CNPY1: variants seen among roughly 807,000 people sequenced by gnomAD.
The protein encoded by CNPY1 is protein canopy homolog 1.
CNPY1 carries 14 observed loss-of-function variants against 14.4 expected under a neutral mutation model. The ratio of observed to expected loss-of-function variants is 0.97; its 90% confidence interval spans 0.64 to 1.52. CNPY1 has a LOEUF of 1.52. Ranked by LOEUF, CNPY1 falls within the 40% of genes most tolerant of loss-of-function variation. CNPY1 has a pLI of 0.00. For missense variants in CNPY1, 129 were observed against 131.5 expected (o/e 0.98, Z 0.09); for synonymous variants, 43 against 46.5 (o/e 0.92, Z 0.31).
intron 2 of CNPY1, among the ~76,000 whole-genome samples, chr7:155,517,841 G>T (rs902545211): frequency 6.6e-6 from 1 of 152,240 alleles, no homozygotes; most frequent in Non-Finnish European, 1.5e-5. Context: ...CAAGTAATTG[G>T]TTGGAAAATC....
At chr7:155,509,473 GGA>G (rs1178836392) in intron 2 of CNPY1, among the ~76,000 whole-genome samples, 30 of 152,024 alleles carry the variant, frequency 2.0e-4, no homozygotes, top group Admixed American at 6.5e-5. Flanking sequence ...GACAGAGAGA[GGA>G]GAGAGAGAGG....
intron 2 of CNPY1, among the ~76,000 whole-genome samples, chr7:155,527,154 C>T (rs910921629): frequency 3.1e-4 from 47 of 149,900 alleles, no homozygotes; most frequent in Non-Finnish European, 6.5e-4. Context: ...CGGGTTCAAG[C>T]GATGCTCCTG....
Position 155,503,987 on chromosome 7 carries a change from T to C in CNPY1, c.401-882A>G, listed in dbSNP as rs373850569. Among the ~76,000 whole-genome samples, 21 of 152,318 alleles carry C rather than the reference T, an allele frequency of 1.4e-4. No individual in the cohort carries two copies. The South Asian group carries it at 4.4e-3, about 32-fold the overall frequency. The stretch of plus-strand genomic sequence containing the variant: ...ATAGCACATTAAGATTTTAATCATT[T>C]TGACTCCAAGACATCAAAATGACAT... On this transcript the variant is annotated intron_variant, in intron 4 of 4. Coordinates refer to ENST00000636446, the MANE Select transcript of CNPY1 (RefSeq NM_001393663.1).
At chr7:155,544,619 G>A (rs563782841) in intron 2 of CNPY1, among the ~76,000 whole-genome samples, 11 of 152,318 alleles carry the variant, frequency 7.2e-5, no homozygotes, top group African/African-American at 1.7e-4. Flanking sequence ...ATCAGCTCCC[G>A]GCTGGTGTCA....
At chr7:155,533,555 G>A (rs1329321025) in intron 2 of CNPY1, among the ~76,000 whole-genome samples, 1 of 152,188 alleles carries the variant, frequency 6.6e-6, no homozygotes, top group African/African-American at 2.4e-5. Flanking sequence ...GGGAAGCCCC[G>A]CAGCACCAGC....
At chr7:155,509,547 C>G (rs764194491) in intron 2 of CNPY1, among the ~76,000 whole-genome samples, 103 of 151,598 alleles carry the variant, frequency 6.8e-4, no homozygotes, top group Non-Finnish European at 1.3e-3. Flanking sequence ...GGAGAGAGAG[C>G]GAGAGAGAGA....
In CNPY1 at chr7:155,546,306, C is replaced by G. The variant is rs1585341411; in HGVS notation, c.-15+123G>C. ...CACTCAAACCATCCTCCCATTTCCACCTCCGAGTAGCTTGGACTACAGGCA... is the reference window on the plus strand; with the variant it reads ...CACTCAAACCATCCTCCCATTTCCAGCTCCGAGTAGCTTGGACTACAGGCA... On this transcript the variant is annotated intron_variant, in intron 1 of 4. Transcript: ENST00000636446. 3.5e-5 allele frequency: 14 copies of G among 394,702 alleles called. No individual in the cohort carries two copies. In the East Asian group the frequency reaches 5.0e-4, roughly 14 times the overall value. The allele number at this position is 394,702 out of a possible 1,614,324, so 24.4% of individuals were successfully genotyped here.
chr7:155,509,039 C>T lies in CNPY1; in HGVS notation c.158G>A (p.Arg53Gln). The T allele has an allele frequency of 6.2e-7, 1 of 1,609,542 alleles. No homozygotes were observed. The highest frequency in any genetic ancestry group is 8.5e-7 in the Non-Finnish European group (1 of 1,178,840). ...LTDLLEKVCERMNDYKLEEDP... is the reference protein window; with the variant it reads ...LTDLLEKVCEQMNDYKLEEDP... ...TTCCTCAAGCTTGTAGTCGTTCATT[C>T]GCTCACAGACTTTCTCCAAAAGATC... is the stretch of plus-strand genomic sequence containing the variant. Residue 53 changes from arginine to glutamine, a missense_variant, in exon 3 of 5, where the codon CGA (arginine) becomes CAA (glutamine). Transcript: ENST00000636446.
chr7:155,510,651 A>C (rs1796509349), intron 2 of CNPY1, among the ~76,000 whole-genome samples: 1 of 152,254 alleles, frequency 6.6e-6, no homozygotes, highest in African/African-American at 2.4e-5. Context: ...TGAATGTTTT[A>C]ATCGCTAAAA....
In CNPY1 at chr7:155,508,929, A is replaced by C; in HGVS notation, c.268T>G (p.Phe90Val). Residue 90 changes from phenylalanine (F) to valine (V), a missense_variant, in exon 3 of 5, where the codon TTT becomes GTT. Physicochemically the swap from Phe to Val is conservative, Grantham distance 50 (BLOSUM62 -1). Coordinates refer to ENST00000636446, the MANE Select transcript of CNPY1 (RefSeq NM_001393663.1). ...AAAGGTCTGTAAGCATCAGAATAAA[A>C]ATACAATTTTTTAAATTCTTGGTAT... ...KIYQEFKKLY[F>V]YSDAYRPLKF... 6.2e-7 allele frequency: 1 copy of C among 1,613,768 alleles called. No individual in the cohort carries two copies. The highest frequency in any genetic ancestry group is 8.5e-7 in the Non-Finnish European group (1 of 1,179,888).
chr7:155,545,794 G>T (rs1006727422), intron 2 of CNPY1, 37 bp downstream of exon 2: 1 of 398,332 alleles, frequency 2.5e-6, no homozygotes, highest in East Asian at 3.6e-5. Context: ...GCCCATATCC[G>T]CAATTATACA....
chr7:155,508,764 G>A (rs1585300890), intron 3 of CNPY1, 130 bp downstream of exon 3: 2 of 1,004,782 alleles, frequency 2.0e-6, no homozygotes, highest in African/African-American at 3.3e-5. Context: ...GTCAGCAGAT[G>A]ACATTTTAAT....
chr7:155,515,065 C>T (rs1179694359), intron 2 of CNPY1, among the ~76,000 whole-genome samples: 2 of 152,166 alleles, frequency 1.3e-5, no homozygotes, highest in Non-Finnish European at 2.9e-5. Context: ...CATATAGGCA[C>T]ACAGATGCAT....
intron 2 of CNPY1, among the ~76,000 whole-genome samples, chr7:155,532,896 C>A (rs62481208): frequency 0.35 from 52,744 of 151,808 alleles, 10,193 homozygotes; most frequent in Non-Finnish European, 0.42. Context: ...TCCCTGGGAA[C>A]CATGACGGAT....
intron 2 of CNPY1, among the ~76,000 whole-genome samples, chr7:155,529,997 G>A (rs1796908897): frequency 6.6e-6 from 1 of 151,968 alleles, no homozygotes; most frequent in Admixed American, 6.6e-5. Context: ...TGGCCAGGCT[G>A]GTCTCGAACT....
intron 3 of CNPY1, 25 bp from the exon 4 acceptor site, chr7:155,507,141 T>A: frequency 7.0e-7 from 1 of 1,424,528 alleles, no homozygotes; most frequent in Non-Finnish European, 9.9e-7. Flanking sequence ...TAACAACATA[T>A]GTGGATAGAC....
At chr7:155,507,497 A>AG (rs1796365821) in intron 3 of CNPY1, among the ~76,000 whole-genome samples, 3 of 147,398 alleles carry the variant, frequency 2.0e-5, no homozygotes, top group Admixed American at 6.8e-5. Flanking sequence ...AAAAAAAAAA[A>AG]AAGAAGACCA....
At position 155,502,714 on chromosome 7, in the gene CNPY1, T is replaced by A. The variant is rs936959299; in HGVS notation, c.*354A>T. 3 of 246,484 alleles carry A rather than the reference T, an allele frequency of 1.2e-5. No individual in the cohort carries two copies. The highest frequency in any genetic ancestry group is 2.4e-5 in the Non-Finnish European group (3 of 127,288). 15.3% of individuals were successfully genotyped at this position (246,484 alleles called of 1,614,324 possible). A position where few individuals can be genotyped will look rare whatever the true frequency, so the allele number is the denominator to read the frequency against. On this transcript the variant is annotated 3_prime_UTR_variant, in exon 5 of 5. Coordinates refer to ENST00000636446, the MANE Select transcript of CNPY1 (RefSeq NM_001393663.1). ...GCCACTGCGCTTGCATATGTGCACA[T>A]ACACTGTTATAAAATAAGCAGCATA...
At chr7:155,534,482 T>C (rs1281002569) in intron 2 of CNPY1, among the ~76,000 whole-genome samples, 3 of 152,160 alleles carry the variant, frequency 2.0e-5, no homozygotes, top group Non-Finnish European at 4.4e-5. Context: ...GAACACTTGC[T>C]CCTCTTCCCC....
Sources: allele counts gnomAD v4.1 joint callset (sites outside exome capture counted in the v4.1 genomes callset), GRCh38; gene constraint gnomAD v4.1.1; transcripts MANE v1.5; gene names NCBI Gene and HGNC (gene_info 2026-07-23, HGNC 2026-07-21).